The following FAM53B variants were observed in gnomAD, a reference collection of about 807,000 sequenced individuals.
The protein encoded by FAM53B is family with sequence similarity 53 member B.
FAM53B carries 12 observed loss-of-function variants against 32.7 expected under a neutral mutation model. That is an observed-to-expected ratio of 0.37 (90% CI 0.24 to 0.59). FAM53B has a LOEUF of 0.59. Among genes scored for constraint, FAM53B ranks in the 20% least tolerant of loss-of-function variants. The probability of loss-of-function intolerance (pLI) is 0.72; values close to 1 mark genes in which losing one functional copy is unlikely to be tolerated. For missense variants in FAM53B, 477 were observed against 577.7 expected (o/e 0.83, Z 1.79); for synonymous variants, 234 against 228.7 (o/e 1.02, Z -0.21).
intron 2 of FAM53B, among the ~76,000 whole-genome samples, chr10:124,700,419 A>C (rs1949907503): frequency 6.6e-6 from 1 of 152,178 alleles, no homozygotes; most frequent in African/African-American, 2.4e-5. Context: ...CAAGACACTC[A>C]GTGTCTGCAC....
intron 1 of FAM53B, among the ~76,000 whole-genome samples, chr10:124,721,801 G>A (rs139827474): frequency 6.6e-6 from 1 of 152,318 alleles, no homozygotes; most frequent in Non-Finnish European, 1.5e-5. Flanking sequence ...AAATCAGCCT[G>A]CCCTGCAGAC....
At chr10:124,655,812 T>A (rs1289515597) in intron 4 of FAM53B, among the ~76,000 whole-genome samples, 1 of 152,188 alleles carries the variant, frequency 6.6e-6, no homozygotes, top group Non-Finnish European at 1.5e-5. Context: ...CTCCTTGTCT[T>A]TGCAGCACTT....
intron 2 of FAM53B, 97 bp downstream of exon 2, chr10:124,706,539 C>A: frequency 6.6e-7 from 1 of 1,503,848 alleles, no homozygotes; most frequent in South Asian, 1.1e-5. Context: ...GGACTCTGGA[C>A]TCGATTTGCT....
intron 1 of FAM53B, among the ~76,000 whole-genome samples, chr10:124,735,119 C>T (rs1436777156): frequency 6.6e-6 from 1 of 151,966 alleles, no homozygotes; most frequent in Admixed American, 6.5e-5. Context: ...CAAGGCAGCT[C>T]CCCCAACGTG....
At chr10:124,675,696 C>T (rs1949732526) in intron 4 of FAM53B, among the ~76,000 whole-genome samples, 1 of 152,238 alleles carries the variant, frequency 6.6e-6, no homozygotes, top group South Asian at 2.1e-4. Flanking sequence ...ACTCTCTATG[C>T]CCCATGTGCA....
chr10:124,672,336 C>T (rs1176577835), intron 4 of FAM53B, among the ~76,000 whole-genome samples: 1 of 152,284 alleles, frequency 6.6e-6, no homozygotes, highest in African/African-American at 2.4e-5. Flanking sequence ...ACCATGCTAA[C>T]CTCGGGCTGG....
chr10:124,670,252 G>T (rs185702047), intron 4 of FAM53B, among the ~76,000 whole-genome samples: 1 of 152,132 alleles, frequency 6.6e-6, no homozygotes, highest in Non-Finnish European at 1.5e-5. Flanking sequence ...GCATCTCTCT[G>T]GTATGCTTTC....
intron 2 of FAM53B, among the ~76,000 whole-genome samples, chr10:124,698,007 G>C (rs191499880): frequency 5.9e-5 from 9 of 152,324 alleles, no homozygotes; most frequent in Non-Finnish European, 1.2e-4. Context: ...AAGCGCATGA[G>C]AGCACTGCTG....
Position 124,620,345 on chromosome 10 carries a change from G to C in FAM53B, c.*2897C>G, listed in dbSNP as rs1256173868. ...TGGCTTTGGAATGAGTGGGGTGCAT[G>C]TGGCACTAAGCCCCCCCCACCGCCC... On this transcript the variant is annotated 3_prime_UTR_variant, in exon 5 of 5. Coordinates refer to ENST00000337318, the MANE Select transcript of FAM53B (RefSeq NM_014661.4). 6.8e-6 allele frequency: 1 copy of C among 146,746 alleles called. No homozygotes were observed. Among genetic ancestry groups the C allele is most frequent in the Non-Finnish European group, 1.5e-5 (1 of 66,876 alleles). The allele number at this position is 146,746 out of a possible 1,614,324, so 9.1% of individuals were successfully genotyped here.
chr10:124,724,560 G>A (rs1401178274), intron 1 of FAM53B, among the ~76,000 whole-genome samples: 1 of 152,300 alleles, frequency 6.6e-6, no homozygotes, highest in South Asian at 2.1e-4. Flanking sequence ...GGGCGGGGTA[G>A]GGGGGCACAG....
intron 4 of FAM53B, among the ~76,000 whole-genome samples, chr10:124,632,632 T>C (rs1271770175): frequency 6.6e-6 from 1 of 152,246 alleles, no homozygotes; most frequent in Non-Finnish European, 1.5e-5. Context: ...GAGCACGGCC[T>C]CTGGGCTCCA....
At chr10:124,698,688 TG>T in intron 2 of FAM53B, among the ~76,000 whole-genome samples, 1 of 152,170 alleles carries the variant, frequency 6.6e-6, no homozygotes, top group East Asian at 1.9e-4. Context: ...ACCCCACCAT[TG>T]GCCCTGATCC....
intron 1 of FAM53B, among the ~76,000 whole-genome samples, chr10:124,717,908 T>C (rs974508279): frequency 2.6e-5 from 4 of 152,270 alleles, no homozygotes; most frequent in East Asian, 3.9e-4. Context: ...CTCCCTCTCC[T>C]GCAGGACAAT....
chr10:124,633,452 A>G (rs1207681872), intron 4 of FAM53B, among the ~76,000 whole-genome samples: 3 of 152,216 alleles, frequency 2.0e-5, no homozygotes, highest in Admixed American at 6.5e-5. Context: ...CAAGTTTTTA[A>G]TGAAAAAATA....
In FAM53B at chr10:124,733,017, T is replaced by C. The variant is rs1293111722; in HGVS notation, c.-175+10996A>G. Among the ~76,000 whole-genome samples the C allele has an allele frequency of 1.3e-5, 2 of 152,110 alleles. No homozygotes were observed. Among genetic ancestry groups the C allele is most frequent in the African/African-American group, 4.8e-5 (2 of 41,416 alleles). On this transcript the variant is annotated intron_variant, in intron 1 of 4. Coordinates refer to ENST00000337318, the MANE Select transcript of FAM53B (RefSeq NM_014661.4). This position sits in a 1 kb window ranked among gnomAD's most constrained non-coding sequence, Gnocchi z 4.3. ...GCGGACGCAGCCAGGCCAGATCCTC[T>C]TTTACTTTCTTTTCTAACAGGTGAA...
At chr10:124,638,181 A>G (rs1316602224) in intron 4 of FAM53B, among the ~76,000 whole-genome samples, 1 of 152,176 alleles carries the variant, frequency 6.6e-6, no homozygotes, top group Non-Finnish European at 1.5e-5. Flanking sequence ...CATCCTGGCT[A>G]ACACAGTGAA....
At chr10:124,661,528 C>T (rs1223715451) in intron 4 of FAM53B, among the ~76,000 whole-genome samples, 2 of 152,250 alleles carry the variant, frequency 1.3e-5, no homozygotes, top group Non-Finnish European at 2.9e-5. Context: ...GCTTTTCCTT[C>T]TCCCAGCTGG....
chr10:124,741,452 A>C (rs750423059), intron 1 of FAM53B, among the ~76,000 whole-genome samples: 3 of 152,176 alleles, frequency 2.0e-5, no homozygotes, highest in Non-Finnish European at 2.9e-5. Flanking sequence ...GCTTTTTAAA[A>C]GAGCTCCGCA....
chr10:124,626,542 G>A (rs1949357170), intron 4 of FAM53B, among the ~76,000 whole-genome samples: 1 of 152,156 alleles, frequency 6.6e-6, no homozygotes, highest in Admixed American at 6.5e-5. Flanking sequence ...GTGAGAAAGT[G>A]CCAACTATGA....
Sources: allele counts gnomAD v4.1 joint callset (sites outside exome capture counted in the v4.1 genomes callset), GRCh38; gene constraint gnomAD v4.1.1; non-coding constraint Gnocchi (gnomAD v3.1); transcripts MANE v1.5; gene names NCBI Gene and HGNC (gene_info 2026-07-23, HGNC 2026-07-21).